SPIRE1: variants seen among roughly 807,000 people sequenced by gnomAD.
SPIRE1 encodes protein spire homolog 1.
SPIRE1 carries 40 observed loss-of-function variants against 94.1 expected under a neutral mutation model. That is an observed-to-expected ratio of 0.43 (90% confidence interval 0.33 to 0.55). The LOEUF (loss-of-function observed/expected upper bound fraction) is 0.55, where lower values mean the gene tolerates loss of function less well. Among genes scored for constraint, SPIRE1 ranks in the 20% least tolerant of loss-of-function variants. The pLI is 0.06. For missense variants in SPIRE1, 838 were observed against 975.2 expected (o/e 0.86, Z 1.87); for synonymous variants, 376 against 371.7 (o/e 1.01, Z -0.13).
At chr18:12,579,255 C>T (rs896743347) in intron 2 of SPIRE1, among the ~76,000 whole-genome samples, 2 of 150,070 alleles carry the variant, frequency 1.3e-5, no homozygotes, top group Non-Finnish European at 3.0e-5. Flanking sequence ...AGTAATGAAG[C>T]CTATTTTAAA....
intron 8 of SPIRE1, among the ~76,000 whole-genome samples, chr18:12,490,107 G>A (rs1182427537): frequency 2.6e-5 from 4 of 152,126 alleles, no homozygotes; most frequent in Admixed American, 2.6e-4. Flanking sequence ...ATATCCATTT[G>A]AACTCGGAAT....
chr18:12,524,857 T>C (rs1275031343), intron 4 of SPIRE1, among the ~76,000 whole-genome samples: 2 of 152,010 alleles, frequency 1.3e-5, no homozygotes, highest in South Asian at 2.1e-4. Flanking sequence ...TGAACACCTG[T>C]AGTCCTAGCT....
chr18:12,658,957 T>C, upstream of SPIRE1: 1 of 184,048 alleles, frequency 5.4e-6, no homozygotes, highest in Non-Finnish European at 1.2e-5. Flanking sequence ...ACCACACTCA[T>C]CAGAGCATGT....
intron 13 of SPIRE1, among the ~76,000 whole-genome samples, chr18:12,453,728 C>G (rs2031363367): frequency 6.6e-6 from 1 of 152,058 alleles, no homozygotes; most frequent in Admixed American, 6.6e-5. Flanking sequence ...GCCACTGCAC[C>G]CGGCCTTCTC....
In SPIRE1 at chr18:12,559,212, T is replaced by G. The variant is rs2035613979; in HGVS notation, c.373-12308A>C. Among the ~76,000 whole-genome samples the G allele has an allele frequency of 6.6e-6, 1 of 151,992 alleles. No homozygotes were observed. The highest frequency in any genetic ancestry group is 2.4e-5 in the African/African-American group (1 of 41,390). On this transcript the variant is annotated intron_variant, in intron 2 of 16. Transcript: ENST00000409402. This position sits in a 1 kb window ranked among gnomAD's most constrained non-coding sequence, Gnocchi z 4.7. ...GTGGGGGGGCGCCGGCATGGCAGGC[T>G]GCAGGTCCCGAGCCCTGCCCCGCAG...
chr18:12,656,720 T>C (rs2038547313), intron 1 of SPIRE1: 2 of 978,612 alleles, frequency 2.0e-6, no homozygotes, highest in Non-Finnish European at 2.4e-6. Context: ...TCCTCTTCAA[T>C]GAGCATCTGA....
At chr18:12,488,627 C>T (rs931913342) in intron 8 of SPIRE1, among the ~76,000 whole-genome samples, 2 of 152,042 alleles carry the variant, frequency 1.3e-5, no homozygotes, top group Non-Finnish European at 2.9e-5. Flanking sequence ...AGGAAAAGTA[C>T]TTATTTACAT....
At chr18:12,549,142 T>G (rs931804007) in intron 2 of SPIRE1, among the ~76,000 whole-genome samples, 9 of 152,134 alleles carry the variant, frequency 5.9e-5, no homozygotes, top group African/African-American at 2.2e-4. Context: ...GATTTTAACT[T>G]TCAAAGACGG....
At chr18:12,637,922 C>T (rs1319126052) in intron 1 of SPIRE1, among the ~76,000 whole-genome samples, 1 of 152,148 alleles carries the variant, frequency 6.6e-6, no homozygotes, top group African/African-American at 2.4e-5. Flanking sequence ...TGTAAAAGTA[C>T]TAAAAATTTT....
chr18:12,545,819 A>G (rs1273090206), intron 3 of SPIRE1, among the ~76,000 whole-genome samples: 1 of 152,220 alleles, frequency 6.6e-6, no homozygotes, highest in Non-Finnish European at 1.5e-5. Flanking sequence ...AAGGAAATAC[A>G]GAGGTCAACT....
At chr18:12,456,376 C>T (rs949143292) in intron 12 of SPIRE1, among the ~76,000 whole-genome samples, 3 of 152,104 alleles carry the variant, frequency 2.0e-5, no homozygotes, top group South Asian at 2.1e-4. Flanking sequence ...TGAATACATC[C>T]GAATGATGGC....
At chr18:12,544,373 A>AT (rs71371276) in intron 3 of SPIRE1, among the ~76,000 whole-genome samples, 50,587 of 146,172 alleles carry the variant, frequency 0.35, 9,890 homozygotes, top group East Asian at 0.6. Context: ...TTAATTTTGT[A>AT]TTTTTTTTTT....
At chr18:12,535,932 G>A (rs990767970) in intron 3 of SPIRE1, among the ~76,000 whole-genome samples, 2 of 152,134 alleles carry the variant, frequency 1.3e-5, no homozygotes, top group Non-Finnish European at 2.9e-5. Context: ...TCTAGCATGG[G>A]TGACAGAGTG....
At chr18:12,633,963 AC>A (rs1168109959) in intron 2 of SPIRE1, among the ~76,000 whole-genome samples, 1 of 152,230 alleles carries the variant, frequency 6.6e-6, no homozygotes, top group Non-Finnish European at 1.5e-5. Context: ...AAAATAATAA[AC>A]CAGGCCAGGC....
At chr18:12,659,734 GT>G (rs2038656427), upstream of SPIRE1, among the ~76,000 whole-genome samples, 1 of 152,096 alleles carries the variant, frequency 6.6e-6, no homozygotes, top group African/African-American at 2.4e-5. Context: ...TATAATTTCA[GT>G]ACGAGAGAGA....
At chr18:12,651,431 C>A (rs900879707) in intron 1 of SPIRE1, among the ~76,000 whole-genome samples, 4 of 151,972 alleles carry the variant, frequency 2.6e-5, no homozygotes, top group Non-Finnish European at 4.4e-5. Context: ...AATCCCAGCA[C>A]TTTGGGAGGC....
At chr18:12,590,090 CT>C (rs33962566) in intron 2 of SPIRE1, among the ~76,000 whole-genome samples, 76,884 of 142,892 alleles carry the variant, frequency 0.54, 20,870 homozygotes, top group East Asian at 0.68. Context: ...CTCCTAATTT[CT>C]TTTTTTTTTT....
rs114564925 is a variant in SPIRE1 at position 12,631,982 on chromosome 18, C to T, written c.372+3080G>A. On this transcript the variant is annotated intron_variant, in intron 2 of 16. Transcript: ENST00000409402. ...ATGACTTGAACCTAGGAAGTTGAGG[C>T]TACAGTGAGCCGTTATCATGGCACT... 9.4e-3 allele frequency among the ~76,000 whole-genome samples: 1,425 copies of T among 151,582 alleles called. 30 individuals carry two copies. The highest frequency in any genetic ancestry group is 0.032 in the African/African-American group (1,313 of 41,256).
chr18:12,657,799 G>A lies in SPIRE1; in HGVS notation c.68C>T (p.Pro23Leu). Residue 23 changes from proline to leucine, a missense_variant, in exon 1 of 17, where the codon CCG becomes CTG. Coordinates refer to ENST00000409402, the MANE Select transcript of SPIRE1 (RefSeq NM_001128626.2). Reference protein sequence around the residue: ...PRTEAVGGEGPREPGAAGGAA... With the variant: ...PRTEAVGGEGLREPGAAGGAA... Reference sequence around the variant, plus strand: ...GCCGCCGGCTGCCCCGGGCTCCCGCGGCCCCTCGCCGCCCACTGCCTCAGT... The same window carrying A: ...GCCGCCGGCTGCCCCGGGCTCCCGCAGCCCCTCGCCGCCCACTGCCTCAGT... The A allele has an allele frequency of 1.6e-6, 2 of 1,270,274 alleles. No homozygotes were observed. Among genetic ancestry groups the A allele is most frequent in the Non-Finnish European group, 2.0e-6 (2 of 1,007,208 alleles). The allele number at this position is 1,270,274 out of a possible 1,614,324, so 78.7% of individuals were successfully genotyped here.
Sources: gnomAD v4.1 joint callset for allele counts (sites outside exome capture counted in the v4.1 genomes callset) on GRCh38, gnomAD v4.1.1 for gene constraint, Gnocchi (gnomAD v3.1) non-coding constraint, MANE v1.5 for transcripts, NCBI Gene and HGNC (gene_info 2026-07-23, HGNC 2026-07-21) for gene names.